Variants in RBFOX1 observed in about 807,000 individuals in gnomAD.
RBFOX1 encodes RNA binding protein fox-1 homolog 1.
RBFOX1 carries 8 observed loss-of-function variants against 57.7 expected under a neutral mutation model. The ratio of observed to expected loss-of-function variants is 0.14; its 90% confidence interval spans 0.08 to 0.25. The LOEUF is 0.25. Among genes scored for constraint, RBFOX1 ranks in the 10% least tolerant of loss-of-function variants. The pLI is 1.00. For missense variants in RBFOX1, 611 were observed against 548.5 expected (o/e 1.11, Z -1.14); for synonymous variants, 326 against 222.4 (o/e 1.47, Z -4.15).
intron 4 of RBFOX1, among the ~76,000 whole-genome samples, chr16:7,412,029 G>T (rs886932098): frequency 1.3e-4 from 20 of 152,052 alleles, no homozygotes; most frequent in African/African-American, 1.9e-4. Context: ...GCCGAAAAAG[G>T]ACATTAGATG....
chr16:7,036,394 G>C (rs1446272791), intron 3 of RBFOX1, among the ~76,000 whole-genome samples: 1 of 152,048 alleles, frequency 6.6e-6, no homozygotes, highest in Middle Eastern at 3.2e-3. Flanking sequence ...CCCCAGATAG[G>C]GTTCTTGGAT....
intron 2 of RBFOX1, among the ~76,000 whole-genome samples, chr16:5,499,624 G>A (rs181841700): frequency 9.0e-4 from 136 of 151,498 alleles, no homozygotes; most frequent in Non-Finnish European, 1.3e-3. Flanking sequence ...CCAGGCTGGA[G>A]TACCGTGGTG....
At chr16:7,123,191 T>C (rs1462357491) in intron 4 of RBFOX1, among the ~76,000 whole-genome samples, 1 of 152,166 alleles carries the variant, frequency 6.6e-6, no homozygotes, top group Non-Finnish European at 1.5e-5. Flanking sequence ...TTCAAATTTA[T>C]GGTATATTAA....
chr16:6,126,340 C>G (rs1275574148), intron 1 of RBFOX1, among the ~76,000 whole-genome samples: 1 of 152,192 alleles, frequency 6.6e-6, no homozygotes, highest in Non-Finnish European at 1.5e-5. Flanking sequence ...ATGAAATTCA[C>G]TTTCTGGCAG....
At chr16:7,643,929 A>G (rs901044279) in intron 11 of RBFOX1, among the ~76,000 whole-genome samples, 1 of 152,098 alleles carries the variant, frequency 6.6e-6, no homozygotes, top group Non-Finnish European at 1.5e-5. Context: ...CTCTGGGAGG[A>G]CTGTCAACAG....
chr16:5,331,306 A>T (rs1017011195), intron 1 of RBFOX1, among the ~76,000 whole-genome samples: 20 of 152,220 alleles, frequency 1.3e-4, no homozygotes, highest in Admixed American at 2.6e-4. Flanking sequence ...TCAGTCAACA[A>T]ATGCTACAGA....
intron 3 of RBFOX1, among the ~76,000 whole-genome samples, chr16:6,924,790 C>G (rs1401884613): frequency 1.3e-5 from 2 of 150,828 alleles, no homozygotes; most frequent in African/African-American, 2.4e-5. Flanking sequence ...ATTAACTTGT[C>G]ATTTAGCATT....
chr16:5,949,838 C>A (rs1202592654), intron 4 of RBFOX1, among the ~76,000 whole-genome samples: 2 of 152,192 alleles, frequency 1.3e-5, no homozygotes, highest in African/African-American at 4.8e-5. Context: ...CCCAGAAATC[C>A]ATTCTAACAA....
At chr16:6,949,415 A>G (rs1358335394) in intron 3 of RBFOX1, among the ~76,000 whole-genome samples, 2 of 152,204 alleles carry the variant, frequency 1.3e-5, no homozygotes, top group Admixed American at 6.5e-5. Flanking sequence ...TAGGGGCACC[A>G]TAACAAAATA....
intron 2 of RBFOX1, among the ~76,000 whole-genome samples, chr16:6,576,544 C>T (rs1224472340): frequency 1.3e-5 from 2 of 152,106 alleles, no homozygotes; most frequent in Non-Finnish European, 2.9e-5. Flanking sequence ...CTATGGCTCA[C>T]CCTCCTATTT....
chr16:5,643,250 T>C (rs1333625765), intron 3 of RBFOX1, among the ~76,000 whole-genome samples: 2 of 152,208 alleles, frequency 1.3e-5, no homozygotes, highest in Non-Finnish European at 2.9e-5. Context: ...CTTTTGACCT[T>C]AGACTGCCTC....
chr16:5,532,845 C>T (rs2044541857), intron 2 of RBFOX1, among the ~76,000 whole-genome samples: 1 of 152,126 alleles, frequency 6.6e-6, no homozygotes, highest in Admixed American at 6.5e-5. Context: ...GAAGTCTGTG[C>T]AATGTATTCC....
intron 1 of RBFOX1, among the ~76,000 whole-genome samples, chr16:6,307,992 G>T (rs1567901265): frequency 6.7e-6 from 1 of 148,598 alleles, no homozygotes; most frequent in Non-Finnish European, 1.5e-5. Flanking sequence ...TATTCGCTTA[G>T]GTTGTTATTT....
intron 4 of RBFOX1, among the ~76,000 whole-genome samples, chr16:5,981,154 T>C (rs759873510): frequency 1.3e-5 from 2 of 152,128 alleles, no homozygotes; most frequent in African/African-American, 4.8e-5. Flanking sequence ...GTAAAAGACA[T>C]TGGGTGACTT....
intron 2 of RBFOX1, among the ~76,000 whole-genome samples, chr16:5,582,363 C>T (rs769349763): frequency 1.3e-5 from 2 of 152,026 alleles, no homozygotes; most frequent in Non-Finnish European, 1.5e-5. Context: ...GGACTGGAGC[C>T]GGTGGAAAAC....
chr16:6,447,623 A>G (rs2094510178), intron 2 of RBFOX1, among the ~76,000 whole-genome samples: 1 of 152,158 alleles, frequency 6.6e-6, no homozygotes, highest in Admixed American at 6.5e-5. Flanking sequence ...GTGTATCTCT[A>G]CGTGCGCGGA....
At chr16:7,580,647 C>CT (rs1421248233) in intron 6 of RBFOX1, among the ~76,000 whole-genome samples, 1 of 151,394 alleles carries the variant, frequency 6.6e-6, no homozygotes, top group Non-Finnish European at 1.5e-5. Context: ...AATAGCATTG[C>CT]TTTTTTTATA....
At chr16:6,722,840 T>A (rs575192873) in intron 3 of RBFOX1, among the ~76,000 whole-genome samples, 14 of 152,300 alleles carry the variant, frequency 9.2e-5, no homozygotes, top group African/African-American at 2.9e-4. Flanking sequence ...TATTCATCAG[T>A]AAGAAATCCA....
chr16:7,596,081 TG>T (rs1210624771), intron 8 of RBFOX1, among the ~76,000 whole-genome samples: 18 of 42,752 alleles, frequency 4.2e-4, no homozygotes, highest in Admixed American at 1.2e-3. Flanking sequence ...CAAAAAAGAT[TG>T]TTTTTTTGTT....
Sources: allele counts gnomAD v4.1 joint callset (sites outside exome capture counted in the v4.1 genomes callset), GRCh38; gene constraint gnomAD v4.1.1; transcripts MANE v1.5; gene names NCBI Gene and HGNC (gene_info 2026-07-23, HGNC 2026-07-21).